The following RBIS variants were observed in gnomAD, a reference collection of about 807,000 sequenced individuals.
The protein encoded by RBIS is ribosomal biogenesis factor.
Under a neutral mutation model 9.8 loss-of-function variants are expected in RBIS, and 9 were observed. The observed-to-expected ratio is 0.92, with a 90% CI of 0.56 to 1.61. The LOEUF is 1.61. RBIS is among the 40% of genes most tolerant of loss of function. RBIS has a pLI of 0.00. For synonymous variants in RBIS, 35 were observed against 37.9 expected (o/e 0.92, Z 0.28); for missense variants, 103 against 116.0 (o/e 0.89, Z 0.51).
chr8:85,220,074 A>G (rs1205540931), intron 1 of RBIS, among the ~76,000 whole-genome samples: 1 of 152,052 alleles, frequency 6.6e-6, no homozygotes, highest in Non-Finnish European at 1.5e-5. Context: ...TTCTCTGAAA[A>G]CCACGTAGAA....
chr8:85,220,282 A>C (rs1813321448), intron 1 of RBIS, 24 bp downstream of exon 1: 1 of 152,308 alleles, frequency 6.6e-6, no homozygotes, highest in Non-Finnish European at 1.5e-5. Flanking sequence ...GCCCTCCAGA[A>C]AACTTAATTT....
chr8:85,219,270 T>A (rs1424973765), intron 1 of RBIS: 1 of 152,252 alleles, frequency 6.6e-6, no homozygotes, highest in Non-Finnish European at 1.5e-5. Flanking sequence ...GAAATTTATA[T>A]CTTCCTTCAA....
At chr8:85,220,131 T>C (rs901738455) in intron 1 of RBIS, among the ~76,000 whole-genome samples, 175 bp downstream of exon 1, 4 of 152,028 alleles carry the variant, frequency 2.6e-5, no homozygotes, top group Non-Finnish European at 5.9e-5. Context: ...CGTCAGGAGA[T>C]GAAAGCCCAA....
chr8:85,219,779 A>T (rs1813292068), intron 1 of RBIS, among the ~76,000 whole-genome samples: 1 of 152,080 alleles, frequency 6.6e-6, no homozygotes, highest in Non-Finnish European at 1.5e-5. Flanking sequence ...TACAATAGTA[A>T]CCAAAATCCA....
chr8:85,214,625 G>T lies in RBIS; in HGVS notation c.238C>A (p.Gln80Lys). 6.4e-7 allele frequency: 1 copy of T among 1,556,480 alleles called. No homozygotes were observed. The highest frequency in any genetic ancestry group is 8.9e-7 in the Non-Finnish European group (1 of 1,128,184). The change falls in exon 4 of 4, where the codon CAG (glutamine) becomes AAG (lysine). Residue 80 changes from glutamine (Q) to lysine (K), a missense_variant. Physicochemically the swap from Gln to Lys is moderately conservative, Grantham distance 53. Coordinates refer to ENST00000619594, the MANE Select transcript of RBIS (RefSeq NM_001099673.3). ...LEPLQKELIP[Q>K]QRHESKPVNV... ...ACTGGTTTGCTTTCATGACGCTGCT[G>T]AGGAATCTGAAAGGAGAAAGTATTA... is the stretch of plus-strand genomic sequence containing the variant.
chr8:85,220,124 CAGG>C (rs767363633), intron 1 of RBIS, among the ~76,000 whole-genome samples, 179 bp downstream of exon 1: 2 of 152,118 alleles, frequency 1.3e-5, no homozygotes, highest in East Asian at 3.9e-4. Context: ...GGGACCCCGT[CAGG>C]AGATGAAAGC....
chr8:85,219,854 A>G (rs147816101), intron 1 of RBIS, among the ~76,000 whole-genome samples: 93 of 152,338 alleles, frequency 6.1e-4, no homozygotes, highest in African/African-American at 1.7e-3. Flanking sequence ...TATTTTATAC[A>G]CAAAAAATAT....
rs758702544 is a variant in RBIS, at chr8:85,214,659, AAC to A, written c.232-30_232-29del. The A allele has an allele frequency of 5.3e-6, 7 of 1,333,112 alleles. No individual in the cohort carries two copies. In the East Asian group the frequency reaches 1.4e-4, roughly 26 times the overall value. 82.6% of individuals were successfully genotyped at this position (1,333,112 alleles called of 1,614,324 possible). ...GAAAGGAGAAAGTATTATATTTAAA[AAC>A]ACAGACAACAATAGCAGACAAATGA... is the stretch of plus-strand genomic sequence containing the variant. On this transcript the variant is annotated intron_variant, in intron 3 of 3. Coordinates refer to ENST00000619594, the MANE Select transcript of RBIS (RefSeq NM_001099673.3).
intron 1 of RBIS, chr8:85,219,345 G>T (rs531567684): frequency 1.6e-4 from 24 of 152,208 alleles, no homozygotes; most frequent in African/African-American, 4.6e-4. Flanking sequence ...GCTTTTGAAC[G>T]CCAACAGTAT....
At chr8:85,216,081 G>A (rs1039236746) in intron 2 of RBIS, 4 of 152,232 alleles carry the variant, frequency 2.6e-5, no homozygotes, top group Non-Finnish European at 1.5e-5. Context: ...GTATGAGAGT[G>A]AGAGTAAGAG....
chr8:85,216,781 A>G (rs1218533290), intron 2 of RBIS: 8 of 152,528 alleles, frequency 5.2e-5, no homozygotes, highest in African/African-American at 1.9e-4. Context: ...ATGGACTATT[A>G]TAATTAAACT....
At position 85,217,370 on chromosome 8, in the gene RBIS, C is replaced by T. The variant is rs1216392975; in HGVS notation, c.114+16G>A. 2.9e-6 allele frequency: 4 copies of T among 1,396,378 alleles called. No individual in the cohort carries two copies. Among genetic ancestry groups the T allele is most frequent in the South Asian group, 2.3e-5 (2 of 86,552 alleles). The allele number at this position is 1,396,378 out of a possible 1,614,324, so 86.5% of individuals were successfully genotyped here. A position where few individuals can be genotyped will look rare whatever the true frequency, so the allele number is the denominator to read the frequency against. Reference sequence around the variant, plus strand: ...GCTTGTAAACAATAAAGTCAGAGTGCTTAACTAATACTCACCTTCTTAAGA... The same window carrying T: ...GCTTGTAAACAATAAAGTCAGAGTGTTTAACTAATACTCACCTTCTTAAGA... On this transcript the variant is annotated intron_variant, in intron 2 of 3. Coordinates refer to ENST00000619594, the MANE Select transcript of RBIS (RefSeq NM_001099673.3).
chr8:85,220,246 C>T (rs971160192), intron 1 of RBIS, 60 bp downstream of exon 1: 1 of 152,328 alleles, frequency 6.6e-6, no homozygotes, highest in Non-Finnish European at 1.5e-5. Flanking sequence ...CCCAATCCAA[C>T]CCCGACCCCT....
intron 1 of RBIS, chr8:85,217,749 T>C (rs1205393090): frequency 2.0e-6 from 1 of 504,040 alleles, no homozygotes; most frequent in Non-Finnish European, 3.5e-6. Flanking sequence ...CCAATTAATA[T>C]CTGCTGGTTG....
At chr8:85,216,840 T>G (rs1190636108) in intron 2 of RBIS, 1 of 154,184 alleles carries the variant, frequency 6.5e-6, no homozygotes, top group Non-Finnish European at 1.4e-5. Context: ...GAAAACATTT[T>G]CTTAAAAATT....
At chr8:85,215,210 T>C in intron 2 of RBIS, 173 bp from the exon 3 acceptor site, 1 of 392,000 alleles carries the variant, frequency 2.6e-6, no homozygotes, top group Admixed American at 4.3e-5. Flanking sequence ...AAAGTTTTGG[T>C]TTTTAAAAAA....
intron 2 of RBIS, chr8:85,216,295 G>A (rs1186994126): frequency 6.6e-6 from 1 of 152,168 alleles, no homozygotes; most frequent in Non-Finnish European, 1.5e-5. Context: ...TCCTCCTCTT[G>A]AGTTTAACAG....
rs191018956 is a variant in RBIS, at chr8:85,214,476, C to T, written c.*84G>A. The T allele has an allele frequency of 2.3e-5, 22 of 948,628 alleles. No homozygotes were observed. In the Admixed American group the frequency reaches 4.1e-4, roughly 17 times the overall value. The allele number at this position is 948,628 out of a possible 1,614,324, so 58.8% of individuals were successfully genotyped here. A position where few individuals can be genotyped will look rare whatever the true frequency, so the allele number is the denominator to read the frequency against. On this transcript the variant is annotated 3_prime_UTR_variant, in exon 4 of 4. Transcript: ENST00000619594. ...TTTTTAAAATGTGCCAATGCCTGTA[C>T]ATTAACAAGATTTTTAAAAATAAAA...
rs1177703913 is a variant in RBIS, at chr8:85,217,488, G to A, written c.12C>T (p.Asn4=). The A allele has an allele frequency of 3.1e-6, 5 of 1,606,770 alleles. No homozygotes were observed. Among genetic ancestry groups the A allele is most frequent in the East Asian group, 2.2e-5 (1 of 44,786 alleles). Residue 4 remains asparagine (N), a synonymous_variant, in exon 2 of 4, where the codon AAC becomes AAT. Coordinates refer to ENST00000619594, the MANE Select transcript of RBIS (RefSeq NM_001099673.3). ...TCCTGGACTTCGGCCCTCTTAATTT[G>A]TTCTTGGCCATTGTCTAGAAAAGAA... MAK[N]KLRGPKSRNV...
Sources: gnomAD v4.1 joint callset for allele counts (sites outside exome capture counted in the v4.1 genomes callset) on GRCh38, gnomAD v4.1.1 for gene constraint, MANE v1.5 for transcripts, NCBI Gene and HGNC (gene_info 2026-07-23, HGNC 2026-07-21) for gene names.